ZMAT3: variants seen among roughly 807,000 people sequenced by gnomAD.
ZMAT3 encodes the protein zinc finger matrin-type protein 3.
In ZMAT3, 17 loss-of-function variants were observed where a neutral mutation model predicts 32.3. The observed-to-expected ratio is 0.53, with a 90% CI of 0.36 to 0.79. The LOEUF is 0.79. Among genes scored for constraint, ZMAT3 ranks in the 30% least tolerant of loss-of-function variants. The probability of loss-of-function intolerance (pLI) is 0.00; values close to 1 mark genes in which losing one functional copy is unlikely to be tolerated. For synonymous variants in ZMAT3, 120 were observed against 133.1 expected (o/e 0.90, Z 0.68); for missense variants, 329 against 359.7 (o/e 0.91, Z 0.69).
In ZMAT3 at chr3:179,025,229, C is replaced by T. The variant is rs1160011507; in HGVS notation, c.659-1G>A. ...GAGCGGGGATTGAAGTAAGGACCTG[C>T]TAAAGCAAGAGATAAAAATAATATA... On this transcript the variant is annotated splice_acceptor_variant, in intron 5 of 5. Transcript: ENST00000311417. LOFTEE classifies it high-confidence loss of function. 2 of 1,608,574 alleles carry T rather than the reference C, an allele frequency of 1.2e-6. No individual in the cohort carries two copies. Among genetic ancestry groups the T allele is most frequent in the Non-Finnish European group, 1.7e-6 (2 of 1,176,632 alleles).
chr3:179,039,108 C>T (rs897853646), intron 2 of ZMAT3, among the ~76,000 whole-genome samples: 1 of 152,202 alleles, frequency 6.6e-6, no homozygotes, highest in Non-Finnish European at 1.5e-5. Context: ...CTACTGCCTC[C>T]AGACTCCACC....
intron 2 of ZMAT3, among the ~76,000 whole-genome samples, chr3:179,059,850 T>A (rs1407280178): frequency 1.3e-5 from 2 of 152,166 alleles, no homozygotes; most frequent in Non-Finnish European, 2.9e-5. Context: ...ACTAGCTGGA[T>A]TTCCTAGGTC....
At chr3:179,055,081 G>A (rs982795134) in intron 2 of ZMAT3, among the ~76,000 whole-genome samples, 10 of 152,134 alleles carry the variant, frequency 6.6e-5, no homozygotes, top group African/African-American at 2.4e-4. Context: ...GGGAGCTCTG[G>A]GAGCAAGGAC....
rs1204439214 is a variant in ZMAT3, at chr3:179,018,220, A to G, written c.*6797T>C. The G allele has an allele frequency of 6.6e-6, 1 of 152,128 alleles. No individual in the cohort carries two copies. Among genetic ancestry groups the G allele is most frequent in the East Asian group, 1.9e-4 (1 of 5,196 alleles). 9.4% of individuals were successfully genotyped at this position (152,128 alleles called of 1,614,324 possible). A position where few individuals can be genotyped will look rare whatever the true frequency, so the allele number is the denominator to read the frequency against. On this transcript the variant is annotated 3_prime_UTR_variant, in exon 6 of 6. Coordinates refer to ENST00000311417, the MANE Select transcript of ZMAT3 (RefSeq NM_022470.4). ...TATATCATGTAGAGAATACACAAAT[A>G]ATAATAAATGATATAGAACATTTAT...
Position 179,017,873 on chromosome 3 carries a change from G to C in ZMAT3, c.*7144C>G, listed in dbSNP as rs1396109631. On this transcript the variant is annotated 3_prime_UTR_variant, in exon 6 of 6. Coordinates refer to ENST00000311417, the MANE Select transcript of ZMAT3 (RefSeq NM_022470.4). ...CAGATATATGGAATGCTTTAAAGCA[G>C]GATCTGACATACTCCAGTAAGGCAT... The C allele has an allele frequency of 1.3e-5, 2 of 152,134 alleles. No individual in the cohort carries two copies. Among genetic ancestry groups the C allele is most frequent in the Non-Finnish European group, 2.9e-5 (2 of 68,022 alleles). 9.4% of individuals were successfully genotyped at this position (152,134 alleles called of 1,614,324 possible). A position where few individuals can be genotyped will look rare whatever the true frequency, so the allele number is the denominator to read the frequency against.
intron 2 of ZMAT3, among the ~76,000 whole-genome samples, chr3:179,040,125 T>C (rs1042444117): frequency 9.2e-5 from 14 of 152,124 alleles, no homozygotes; most frequent in Non-Finnish European, 1.6e-4. Flanking sequence ...CTGAAAGTGA[T>C]AGGGAGAATG....
chr3:179,061,437 C>T (rs1721146951), intron 2 of ZMAT3, among the ~76,000 whole-genome samples: 1 of 152,124 alleles, frequency 6.6e-6, no homozygotes. Flanking sequence ...AAATATGGAA[C>T]AACTAATCCA....
At chr3:179,045,233 A>C (rs1403441427) in intron 2 of ZMAT3, among the ~76,000 whole-genome samples, 1 of 152,178 alleles carries the variant, frequency 6.6e-6, no homozygotes, top group Non-Finnish European at 1.5e-5. Flanking sequence ...AGTCTGGAAC[A>C]AAGTGGCTCA....
At position 179,025,050 on chromosome 3, in the gene ZMAT3, G is replaced by A. The variant is rs2108532746; in HGVS notation, c.837C>T (p.Tyr279=). The change falls in exon 6 of 6, where the codon TAC becomes TAT. Residue 279 remains tyrosine, a synonymous_variant. Coordinates refer to ENST00000311417, the MANE Select transcript of ZMAT3 (RefSeq NM_022470.4). ...QHKSKVSEQR[Y]RNEMENLGYV The stretch of plus-strand genomic sequence containing the variant: ...ATCCCAGATTCTCCATCTCATTCCT[G>A]TACCGCTGTTCAGACACCTTGCTCT... 2 of 1,614,146 alleles carry A rather than the reference G, an allele frequency of 1.2e-6. No homozygotes were observed. Among genetic ancestry groups the A allele is most frequent in the South Asian group, 2.2e-5 (2 of 91,080 alleles).
chr3:179,052,150 T>C (rs2108571260), intron 2 of ZMAT3, among the ~76,000 whole-genome samples: 1 of 152,098 alleles, frequency 6.6e-6, no homozygotes, highest in African/African-American at 2.4e-5. Flanking sequence ...ATAGATGAGA[T>C]TTAATTAAAC....
At chr3:179,032,252 C>T (rs1377044307) in intron 2 of ZMAT3, among the ~76,000 whole-genome samples, 1 of 151,828 alleles carries the variant, frequency 6.6e-6, no homozygotes, top group Non-Finnish European at 1.5e-5. Context: ...GATCTGCCAG[C>T]CTCGGCCTCC....
At position 179,067,671 on chromosome 3, in the gene ZMAT3, T is replaced by C. The variant is rs767266152; in HGVS notation, c.82A>G (p.Thr28Ala). 4.3e-6 allele frequency: 7 copies of C among 1,614,218 alleles called. 1 individual carries two copies. In the East Asian group the frequency reaches 6.7e-5, roughly 15 times the overall value. Residue 28 changes from threonine to alanine, a missense_variant, in exon 2 of 6, where the codon ACA becomes GCA. Thr to Ala is a moderately conservative substitution (Grantham distance 58, BLOSUM62 0). Transcript: ENST00000311417. ...SPPMSVATRSTGTLQLPPQKP... is the reference protein window; with the variant it reads ...SPPMSVATRSAGTLQLPPQKP... The stretch of plus-strand genomic sequence containing the variant: ...TGTGGTGGAAGCTGCAAGGTTCCTG[T>C]AGACCTGGTGGCCACTGACATAGGA...
chr3:179,051,483 A>G (rs1369551426), intron 2 of ZMAT3, among the ~76,000 whole-genome samples: 1 of 152,212 alleles, frequency 6.6e-6, no homozygotes, highest in Non-Finnish European at 1.5e-5. Flanking sequence ...AGTACAAAAC[A>G]CTGCTGAAAG....
chr3:179,057,968 C>G (rs867806270), intron 2 of ZMAT3, among the ~76,000 whole-genome samples: 2 of 152,172 alleles, frequency 1.3e-5, no homozygotes, highest in Non-Finnish European at 1.5e-5. Context: ...AGCTTGCCAA[C>G]AGGACAAGAT....
intron 3 of ZMAT3, among the ~76,000 whole-genome samples, chr3:179,028,039 AG>A (rs1179599264): frequency 6.6e-6 from 1 of 152,238 alleles, no homozygotes; most frequent in South Asian, 2.1e-4. Context: ...GTGAATGGCT[AG>A]TTGCTGTCGC....
chr3:179,020,722 C>A lies in ZMAT3; in HGVS notation c.*4295G>T, dbSNP rs1663011313. 1 of 152,332 alleles carries A rather than the reference C, an allele frequency of 6.6e-6. No individual in the cohort carries two copies. Among genetic ancestry groups the A allele is most frequent in the East Asian group, 1.9e-4 (1 of 5,186 alleles). The allele number at this position is 152,332 out of a possible 1,614,324, so 9.4% of individuals were successfully genotyped here. On this transcript the variant is annotated 3_prime_UTR_variant, in exon 6 of 6. Transcript: ENST00000311417. The stretch of plus-strand genomic sequence containing the variant: ...TAGGTTCCAAAACCACCCTTCCTAG[C>A]CCTCCCTGTAGAAAATACCATGTTG...
At chr3:179,036,729 A>T (rs1264162970) in intron 2 of ZMAT3, among the ~76,000 whole-genome samples, 1 of 152,128 alleles carries the variant, frequency 6.6e-6, no homozygotes, top group Non-Finnish European at 1.5e-5. Flanking sequence ...GAGACAGTGC[A>T]ATGTGTGGCT....
intron 2 of ZMAT3, among the ~76,000 whole-genome samples, chr3:179,036,891 C>T (rs1476273791): frequency 2.6e-5 from 4 of 152,094 alleles, no homozygotes; most frequent in African/African-American, 4.8e-5. Context: ...TTCCTCGATG[C>T]CTTTTAGGCA....
At chr3:179,069,150 C>G (rs1416143609) in intron 1 of ZMAT3, among the ~76,000 whole-genome samples, 1 of 152,156 alleles carries the variant, frequency 6.6e-6, no homozygotes, top group East Asian at 1.9e-4. Flanking sequence ...AATAAGGTAT[C>G]AAGGAAATGT....
Sources: allele counts gnomAD v4.1 joint callset (sites outside exome capture counted in the v4.1 genomes callset), GRCh38; gene constraint gnomAD v4.1.1; transcripts MANE v1.5; gene names NCBI Gene and HGNC (gene_info 2026-07-23, HGNC 2026-07-21).